RIMS1: variants seen among roughly 807,000 people sequenced by gnomAD.
RIMS1 encodes regulating synaptic membrane exocytosis protein 1.
In RIMS1, 83 loss-of-function variants were observed where a neutral mutation model predicts 214.1. The ratio of observed to expected loss-of-function variants is 0.39; its 90% confidence interval spans 0.32 to 0.47. The LOEUF (loss-of-function observed/expected upper bound fraction) is 0.47, where lower values mean the gene tolerates loss of function less well. RIMS1 is among the 20% of genes least tolerant of loss of function. The pLI is 0.99. For missense variants in RIMS1, 2,050 were observed against 2,161.8 expected, an observed-to-expected ratio of 0.95 and a Z score of 1.03; for synonymous variants, 793 against 786.8, an observed-to-expected ratio of 1.01 and a Z score of -0.13.
chr6:72,215,207 C>T (rs1316596650), intron 6 of RIMS1, among the ~76,000 whole-genome samples: 1 of 152,146 alleles, frequency 6.6e-6, no homozygotes, highest in Non-Finnish European at 1.5e-5. Context: ...ATGACCATAT[C>T]ATAATGGAAG....
At chr6:72,314,392 A>G (rs2095657677) in intron 28 of RIMS1, among the ~76,000 whole-genome samples, 1 of 152,198 alleles carries the variant, frequency 6.6e-6, no homozygotes, top group Non-Finnish European at 1.5e-5. Context: ...TCCAATAAAT[A>G]TAAGTGTTAA....
At chr6:72,277,418 A>G (rs1025639771) in intron 23 of RIMS1, among the ~76,000 whole-genome samples, 2 of 152,086 alleles carry the variant, frequency 1.3e-5, no homozygotes, top group African/African-American at 4.8e-5. Context: ...CGTCTCTGCT[A>G]AAAATACAAA....
intron 29 of RIMS1, among the ~76,000 whole-genome samples, chr6:72,371,269 T>G (rs1305817648): frequency 2.0e-5 from 3 of 152,200 alleles, no homozygotes; most frequent in African/African-American, 7.2e-5. Context: ...CCCAGCCATA[T>G]GCTATCATAG....
Position 72,171,356 on chromosome 6 carries a change from G to A in RIMS1, c.472-8219G>A, listed in dbSNP as rs1057171589. ...GTATAAATATATATTACGTGTGTGT[G>A]TGTATATATATATATGTGTATATAT... On this transcript the variant is annotated intron_variant, in intron 4 of 33. Transcript: ENST00000521978. 1.6e-4 allele frequency among the ~76,000 whole-genome samples: 24 copies of A among 150,042 alleles called. No homozygotes were observed. In the South Asian group the frequency reaches 4.4e-3, roughly 28 times the overall value.
Position 72,248,082 on chromosome 6 carries a change from T to C in RIMS1, c.2196T>C (p.Pro732=), listed in dbSNP as rs748179554. The C allele has an allele frequency of 1.2e-6, 2 of 1,613,284 alleles. No homozygotes were observed. The highest frequency in any genetic ancestry group is 2.2e-5 in the East Asian group (1 of 44,810). Residue 732 remains proline, a synonymous_variant, in exon 12 of 34, where the codon CCT becomes CCC. Transcript: ENST00000521978. The part of the protein sequence containing the change: ...PSISVISPTS[P]GALKDAPQVL... The stretch of plus-strand genomic sequence containing the variant: ...TTTCTGTTATTTCTCCAACAAGTCC[T>C]GGAGCTCTAAAAGATGCCCCACAAG...
At position 72,013,991 on chromosome 6, in the gene RIMS1, T is replaced by G. The variant is rs911060379; in HGVS notation, c.245+44928T>G. 3.3e-5 allele frequency among the ~76,000 whole-genome samples: 5 copies of G among 152,218 alleles called. No homozygotes were observed. In the East Asian group the frequency reaches 9.6e-4, roughly 29 times the overall value. On this transcript the variant is annotated intron_variant, in intron 2 of 33. Transcript: ENST00000521978. ...AATGGAATCACACAATATATGGTCTTTTATGACTGACTTGTTTTCACTTAG... is the reference window on the plus strand; with the variant it reads ...AATGGAATCACACAATATATGGTCTGTTATGACTGACTTGTTTTCACTTAG...
At chr6:72,278,738 A>G (rs891404629) in intron 23 of RIMS1, among the ~76,000 whole-genome samples, 2 of 152,088 alleles carry the variant, frequency 1.3e-5, no homozygotes, top group African/African-American at 4.8e-5. Flanking sequence ...GTATACATAA[A>G]TATCAATAAT....
chr6:72,362,814 T>A (rs2097868052), intron 29 of RIMS1, among the ~76,000 whole-genome samples: 1 of 152,212 alleles, frequency 6.6e-6, no homozygotes, highest in Non-Finnish European at 1.5e-5. Flanking sequence ...CCATGTGTTC[T>A]GGGAGTTGTA....
At chr6:72,298,814 CAT>C in intron 26 of RIMS1, among the ~76,000 whole-genome samples, 1 of 151,552 alleles carries the variant, frequency 6.6e-6, no homozygotes, top group Admixed American at 6.6e-5. Context: ...AAACCTTCTA[CAT>C]CTGGCCTGCT....
intron 31 of RIMS1, among the ~76,000 whole-genome samples, chr6:72,395,462 T>G (rs1040168925): frequency 2.6e-5 from 4 of 151,958 alleles, no homozygotes; most frequent in African/African-American, 9.7e-5. Context: ...AAGAGCCCAG[T>G]AGAAATTATA....
intron 4 of RIMS1, among the ~76,000 whole-genome samples, chr6:72,103,888 CAA>C (rs1469140980): frequency 1.3e-4 from 20 of 152,136 alleles, no homozygotes; most frequent in Admixed American, 1.2e-3. Context: ...TTTTTTTAGC[CAA>C]AATTATCAAA....
chr6:71,963,810 T>A (rs964391), intron 1 of RIMS1, among the ~76,000 whole-genome samples: 67,285 of 152,014 alleles, frequency 0.44, 15,497 homozygotes, highest in Middle Eastern at 0.55. Flanking sequence ...TTACCTAGAA[T>A]CTGTTTTAAA....
intron 2 of RIMS1, among the ~76,000 whole-genome samples, chr6:71,997,810 C>T (rs1044807461): frequency 2.0e-5 from 3 of 152,016 alleles, no homozygotes; most frequent in African/African-American, 7.2e-5. Flanking sequence ...GATAGGAAAA[C>T]AAAATAGGTA....
chr6:72,187,141 GGAGAGGAA>G (rs955613341), intron 6 of RIMS1, among the ~76,000 whole-genome samples: 13 of 151,916 alleles, frequency 8.6e-5, no homozygotes, highest in Non-Finnish European at 1.6e-4. Context: ...AAAGAGAGAA[GGAGAGGAA>G]GAGAGGAAGA....
chr6:72,026,332 C>T (rs1816463152), intron 2 of RIMS1, among the ~76,000 whole-genome samples: 1 of 152,138 alleles, frequency 6.6e-6, no homozygotes, highest in South Asian at 2.1e-4. Flanking sequence ...TATATTATAT[C>T]TAAATTCCCT....
At position 72,258,233 on chromosome 6, in the gene RIMS1, A is replaced by G. The variant is rs547797555; in HGVS notation, c.2879A>G (p.Asn960Ser). 4 of 1,613,464 alleles carry G rather than the reference A, an allele frequency of 2.5e-6. No homozygotes were observed. Among genetic ancestry groups the G allele is most frequent in the African/African-American group, 1.3e-5 (1 of 75,034 alleles). The stretch of plus-strand genomic sequence containing the variant: ...CGTTCAGTATCTCCTCATCGCGGCA[A>G]TGATCAGGGAAAGCCGCGTTCACGT... ...RSRSVSPHRGNDQGKPRSRLP... is the reference protein window; with the variant it reads ...RSRSVSPHRGSDQGKPRSRLP... Residue 960 changes from asparagine (N) to serine (S), a missense_variant, in exon 17 of 34, where the codon AAT becomes AGT. By Grantham distance (46) the Asn-to-Ser change is conservative (BLOSUM62 1). Coordinates refer to ENST00000521978, the MANE Select transcript of RIMS1 (RefSeq NM_014989.7).
chr6:72,120,542 T>C (rs1166083703), intron 4 of RIMS1, among the ~76,000 whole-genome samples: 3 of 152,070 alleles, frequency 2.0e-5, no homozygotes, highest in African/African-American at 7.2e-5. Context: ...CTTTGCAGAT[T>C]CTGGATATAG....
chr6:71,905,205 G>A (rs1015719153), intron 1 of RIMS1, among the ~76,000 whole-genome samples: 8 of 151,810 alleles, frequency 5.3e-5, no homozygotes, highest in Admixed American at 6.6e-5. Context: ...AAAATAGAGC[G>A]GTACATTTTA....
At chr6:72,143,194 C>T (rs1046784009) in intron 4 of RIMS1, among the ~76,000 whole-genome samples, 1 of 151,978 alleles carries the variant, frequency 6.6e-6, no homozygotes, top group African/African-American at 2.4e-5. Flanking sequence ...ATATTTATCT[C>T]AAGACTATGA....
Sources: allele counts gnomAD v4.1 joint callset (sites outside exome capture counted in the v4.1 genomes callset), GRCh38; gene constraint gnomAD v4.1.1; transcripts MANE v1.5; gene names NCBI Gene and HGNC (gene_info 2026-07-23, HGNC 2026-07-21).